The following SORT1 variants were observed in gnomAD, a reference collection of about 807,000 sequenced individuals.
SORT1 encodes sortilin 1, also known as sortilin.
Under a neutral mutation model 101.7 loss-of-function variants are expected in SORT1, and 39 were observed. That is an observed-to-expected ratio of 0.38 (90% confidence interval 0.30 to 0.50). The LOEUF is 0.50. SORT1 is among the 20% of genes least tolerant of loss of function. The pLI, the probability that SORT1 is intolerant of heterozygous loss-of-function variation, is 0.90. For synonymous variants in SORT1, 396 were observed against 393.7 expected (o/e 1.01, Z -0.07); for missense variants, 878 against 1,040.4 (o/e 0.84, Z 2.15).
At chr1:109,335,755 C>G (rs4970750) in intron 11 of SORT1, among the ~76,000 whole-genome samples, 147,140 of 152,242 alleles carry the variant, frequency 0.97, 71,318 homozygotes, top group Middle Eastern at 1. Context: ...CTCTCTGCAA[C>G]AGGGGCTGCC....
At chr1:109,332,659 A>T (rs892871341) in intron 11 of SORT1, among the ~76,000 whole-genome samples, 12 of 152,348 alleles carry the variant, frequency 7.9e-5, no homozygotes, top group Non-Finnish European at 1.6e-4. Flanking sequence ...TAACCAAAGT[A>T]ATTGCAAGCA....
chr1:109,325,775 G>C (rs1192320002), intron 13 of SORT1, among the ~76,000 whole-genome samples: 4 of 151,596 alleles, frequency 2.6e-5, no homozygotes, highest in African/African-American at 9.7e-5. Context: ...AGGAGTTCGA[G>C]ACCAGCCTGA....
chr1:109,347,214 C>T (rs900827320), intron 7 of SORT1, among the ~76,000 whole-genome samples: 7 of 152,188 alleles, frequency 4.6e-5, no homozygotes, highest in African/African-American at 1.7e-4. Context: ...TTTCAATTTG[C>T]TATTGTCTGT....
At chr1:109,357,406 T>A (rs1455204344) in intron 3 of SORT1, among the ~76,000 whole-genome samples, 1 of 152,226 alleles carries the variant, frequency 6.6e-6, no homozygotes, top group Admixed American at 6.5e-5. Flanking sequence ...ATGAGCAGTG[T>A]AAGGGGCTGA....
At chr1:109,327,418 G>A in intron 12 of SORT1, 81 bp downstream of exon 12, 1 of 866,854 alleles carries the variant, frequency 1.2e-6, no homozygotes, top group Non-Finnish European at 1.8e-6. Flanking sequence ...TTTCTTCTCA[G>A]AGCGTTCAAA....
At chr1:109,380,086 G>C (rs980656885) in intron 1 of SORT1, among the ~76,000 whole-genome samples, 2 of 152,026 alleles carry the variant, frequency 1.3e-5, no homozygotes, top group African/African-American at 4.8e-5. Context: ...GACCAGCCTG[G>C]GCAACATAGT....
Position 109,324,991 on chromosome 1 carries a change from A to G in SORT1, c.1742T>C (p.Met581Thr), listed in dbSNP as rs757541579. ...GLASEPGARS[M>T]NISIWGFTES... is the part of the protein sequence containing the mutation. ...TGTGAAGCCCCAAATGCTGATATTCATGGACCTAGCTCCAGGTTCTGAAGC... is the reference window on the plus strand; with the variant it reads ...TGTGAAGCCCCAAATGCTGATATTCGTGGACCTAGCTCCAGGTTCTGAAGC... Residue 581 changes from methionine (M) to threonine (T), a missense_variant, in exon 14 of 20, where the codon ATG becomes ACG. Physicochemically the swap from Met to Thr is moderately conservative, Grantham distance 81. Around this residue, in one of 2 missense-constraint regions of SORT1, gnomAD observed 684 missense variants for 894.5 expected, o/e 0.76. Coordinates refer to ENST00000256637, the MANE Select transcript of SORT1 (RefSeq NM_002959.7). 1 of 1,613,700 alleles carries G rather than the reference A, an allele frequency of 6.2e-7. No homozygotes were observed. Among genetic ancestry groups the G allele is most frequent in the Non-Finnish European group, 8.5e-7 (1 of 1,179,604 alleles).
At chr1:109,349,995 T>C (rs1649855587) in intron 6 of SORT1, among the ~76,000 whole-genome samples, 1 of 152,216 alleles carries the variant, frequency 6.6e-6, no homozygotes, top group African/African-American at 2.4e-5. Context: ...ACTTTCTTGA[T>C]CTAGCACTAA....
At chr1:109,355,641 A>ACCCCCCCCCCCCC (rs529686433) in intron 3 of SORT1, among the ~76,000 whole-genome samples, 172 bp from the exon 4 acceptor site, 3 of 84,102 alleles carry the variant, frequency 3.6e-5, no homozygotes, top group African/African-American at 4.9e-5. Context: ...AGAACATTCC[A>ACCCCCCCCCCCCC]CCCGCCCCCC....
chr1:109,375,237 A>C (rs558473441), intron 1 of SORT1, among the ~76,000 whole-genome samples: 12 of 152,276 alleles, frequency 7.9e-5, no homozygotes, highest in Middle Eastern at 3.4e-3. Context: ...CAATCAGGGC[A>C]TCTAGAGGAG....
intron 7 of SORT1, among the ~76,000 whole-genome samples, chr1:109,347,278 C>A (rs191134508): frequency 1.4e-3 from 218 of 152,260 alleles, no homozygotes; most frequent in Middle Eastern, 0.01. Context: ...ATTGCCTCTA[C>A]GTATAGCCTA....
Position 109,313,870 on chromosome 1 carries a change from C to A in SORT1, c.*173G>T. The A allele has an allele frequency of 1.9e-6, 1 of 527,984 alleles. No homozygotes were observed. The highest frequency in any genetic ancestry group is 3.4e-6 in the Non-Finnish European group (1 of 297,276). The allele number at this position is 527,984 out of a possible 1,614,324, so 32.7% of individuals were successfully genotyped here. A position where few individuals can be genotyped will look rare whatever the true frequency, so the allele number is the denominator to read the frequency against. On this transcript the variant is annotated 3_prime_UTR_variant, in exon 20 of 20. Transcript: ENST00000256637. ...AATTGTAAAAAAGTGCTCAGGGTTC[C>A]CCACCCCCACCCTGCATTTCTTTAG... is the stretch of plus-strand genomic sequence containing the variant.
chr1:109,357,351 T>C (rs1361359283), intron 3 of SORT1, among the ~76,000 whole-genome samples: 1 of 152,240 alleles, frequency 6.6e-6, no homozygotes, highest in East Asian at 1.9e-4. Context: ...TAAATGATGT[T>C]ACAGGTTTTG....
At position 109,312,293 on chromosome 1, in the gene SORT1, T is replaced by G. The variant is rs1030499206; in HGVS notation, c.*1750A>C. 1 of 152,616 alleles carries G rather than the reference T, an allele frequency of 6.6e-6. No homozygotes were observed. The allele number at this position is 152,616 out of a possible 1,614,324, so 9.5% of individuals were successfully genotyped here. The stretch of plus-strand genomic sequence containing the variant: ...CAAAATGAATAAGCAAAAAGACTAG[T>G]GCACTCCAGCCCTAACCATATTATC... On this transcript the variant is annotated 3_prime_UTR_variant, in exon 20 of 20. Transcript: ENST00000256637.
At chr1:109,348,399 A>T (rs1342487518) in intron 6 of SORT1, among the ~76,000 whole-genome samples, 1 of 152,188 alleles carries the variant, frequency 6.6e-6, no homozygotes, top group Non-Finnish European at 1.5e-5. Context: ...CTAAACAAAA[A>T]AAAAAAAACA....
intron 8 of SORT1, among the ~76,000 whole-genome samples, chr1:109,342,720 T>A (rs1271535296): frequency 6.6e-6 from 1 of 152,294 alleles, no homozygotes; most frequent in South Asian, 2.1e-4. Context: ...GGAACAGGCA[T>A]GGGCTGGAAA....
At chr1:109,355,171 T>G (rs1251517759) in intron 4 of SORT1, among the ~76,000 whole-genome samples, 196 bp downstream of exon 4, 1 of 152,132 alleles carries the variant, frequency 6.6e-6, no homozygotes, top group East Asian at 1.9e-4. Flanking sequence ...CAGCGAGCCG[T>G]GACGGTATCA....
At chr1:109,355,643 C>CCCCT (rs1436144494) in intron 3 of SORT1, among the ~76,000 whole-genome samples, 174 bp from the exon 4 acceptor site, 1 of 58,242 alleles carries the variant, frequency 1.7e-5, no homozygotes, top group African/African-American at 7.2e-5. Flanking sequence ...AACATTCCAC[C>CCCCT]CGCCCCCCCC....
chr1:109,385,666 T>A (rs1434704919), intron 1 of SORT1, among the ~76,000 whole-genome samples: 8 of 152,194 alleles, frequency 5.3e-5, no homozygotes, highest in Non-Finnish European at 1.2e-4. Flanking sequence ...ACACTGGCCT[T>A]CTTCCAGATC....
Sources: allele counts gnomAD v4.1 joint callset (sites outside exome capture counted in the v4.1 genomes callset), GRCh38; gene constraint gnomAD v4.1.1; regional missense constraint gnomAD v4.1.1; transcripts MANE v1.5; gene names NCBI Gene and HGNC (gene_info 2026-07-23, HGNC 2026-07-21).